The following FAM184B variants were observed in gnomAD, a reference collection of about 807,000 sequenced individuals.
FAM184B encodes family with sequence similarity 184 member B.
FAM184B carries 111 observed loss-of-function variants against 135.9 expected under a neutral mutation model. The observed-to-expected ratio is 0.82, with a 90% CI of 0.70 to 0.96. The LOEUF (loss-of-function observed/expected upper bound fraction) is 0.96, where lower values mean the gene tolerates loss of function less well. Ranked by LOEUF, FAM184B falls within the 40% of genes least tolerant of loss-of-function variation. The probability of loss-of-function intolerance (pLI) is 0.00; values close to 1 mark genes in which losing one functional copy is unlikely to be tolerated. For missense variants in FAM184B, 1,375 were observed against 1,323.9 expected, an observed-to-expected ratio of 1.04 and a Z score of -0.60; for synonymous variants, 552 against 524.8, an observed-to-expected ratio of 1.05 and a Z score of -0.71.
At chr4:17,638,418 C>A (rs1342992729) in intron 14 of FAM184B, among the ~76,000 whole-genome samples, 2 of 151,588 alleles carry the variant, frequency 1.3e-5, no homozygotes, top group Non-Finnish European at 2.9e-5. Flanking sequence ...GTCTCGAACT[C>A]CTGGGCTCAA....
chr4:17,709,646 T>C lies in FAM184B; in HGVS notation c.142-2A>G, dbSNP rs750506030. 2.4e-5 allele frequency: 36 copies of C among 1,486,698 alleles called. No individual in the cohort carries two copies. Among genetic ancestry groups the C allele is most frequent in the Non-Finnish European group, 2.9e-5 (33 of 1,118,994 alleles). The allele number at this position is 1,486,698 out of a possible 1,614,324, so 92.1% of individuals were successfully genotyped here. On this transcript the variant is annotated splice_acceptor_variant, in intron 1 of 17. Transcript: ENST00000265018. LOFTEE classifies it high-confidence loss of function. ...GCGGGTGTTCAGGGCATAAATCACCTGCAGGAAAATCAACAGAGCCCAGTT... is the reference window on the plus strand; with the variant it reads ...GCGGGTGTTCAGGGCATAAATCACCCGCAGGAAAATCAACAGAGCCCAGTT...
intron 1 of FAM184B, among the ~76,000 whole-genome samples, chr4:17,740,821 G>A (rs1024141704): frequency 2.0e-5 from 3 of 152,190 alleles, no homozygotes; most frequent in African/African-American, 7.2e-5. Context: ...TTTATGTGGT[G>A]TCTTTCTTTT....
intron 6 of FAM184B, among the ~76,000 whole-genome samples, chr4:17,692,588 A>G (rs1716762571): frequency 6.6e-6 from 1 of 152,128 alleles, no homozygotes; most frequent in Admixed American, 6.5e-5. Context: ...AACAATCGAT[A>G]CTGTTTTGCG....
At chr4:17,706,346 C>A (rs1013350720) in intron 3 of FAM184B, among the ~76,000 whole-genome samples, 1 of 152,164 alleles carries the variant, frequency 6.6e-6, no homozygotes, top group South Asian at 2.1e-4. Flanking sequence ...GAACCAGTAC[C>A]TCCCCTTCTC....
At chr4:17,764,466 G>A (rs1004839883) in intron 1 of FAM184B, among the ~76,000 whole-genome samples, 1 of 152,194 alleles carries the variant, frequency 6.6e-6, no homozygotes, top group African/African-American at 2.4e-5. Context: ...CACCCAGAGA[G>A]GCCTCAGTAT....
intron 1 of FAM184B, among the ~76,000 whole-genome samples, chr4:17,765,353 G>A (rs1180280940): frequency 6.6e-6 from 1 of 151,942 alleles, no homozygotes; most frequent in Non-Finnish European, 1.5e-5. Context: ...CTACCTCAAG[G>A]AAACGTCTAG....
intron 1 of FAM184B, among the ~76,000 whole-genome samples, chr4:17,744,878 G>T (rs1237804469): frequency 1.3e-5 from 2 of 152,248 alleles, no homozygotes; most frequent in Non-Finnish European, 2.9e-5. Flanking sequence ...GGGATGGGAA[G>T]TAGAGTGCTG....
intron 1 of FAM184B, among the ~76,000 whole-genome samples, chr4:17,724,300 TG>T (rs1165842489): frequency 2.2e-4 from 34 of 152,318 alleles, no homozygotes; most frequent in African/African-American, 7.9e-4. Context: ...ATGATGCACA[TG>T]GCACTTCATT....
At chr4:17,641,434 T>G (rs1715307122) in intron 13 of FAM184B, among the ~76,000 whole-genome samples, 1 of 147,536 alleles carries the variant, frequency 6.8e-6, no homozygotes, top group Non-Finnish European at 1.5e-5. Context: ...AATGCCCTGA[T>G]TTGCAGGGAA....
At chr4:17,643,030 CTG>C (rs1715368512) in intron 12 of FAM184B, among the ~76,000 whole-genome samples, 1 of 152,228 alleles carries the variant, frequency 6.6e-6, no homozygotes. Context: ...CCTTCCTGCT[CTG>C]GGGTTGGCAT....
At chr4:17,719,563 C>G (rs1039141725) in intron 1 of FAM184B, among the ~76,000 whole-genome samples, 3 of 152,180 alleles carry the variant, frequency 2.0e-5, no homozygotes, top group African/African-American at 7.2e-5. Context: ...GAGAAAGGCA[C>G]AGGGGAGGAA....
At chr4:17,668,342 A>G (rs1179535556) in intron 7 of FAM184B, among the ~76,000 whole-genome samples, 1 of 152,150 alleles carries the variant, frequency 6.6e-6, no homozygotes, top group Non-Finnish European at 1.5e-5. Context: ...CATTCTTAGT[A>G]GCTTGTTTCT....
intron 12 of FAM184B, among the ~76,000 whole-genome samples, chr4:17,644,401 T>C (rs1715407571): frequency 6.6e-6 from 1 of 152,226 alleles, no homozygotes; most frequent in Non-Finnish European, 1.5e-5. Flanking sequence ...TCAAGTGGGC[T>C]TCATCCCTGG....
chr4:17,768,119 G>T (rs959593984), intron 1 of FAM184B, among the ~76,000 whole-genome samples: 2 of 152,136 alleles, frequency 1.3e-5, no homozygotes, highest in Admixed American at 1.3e-4. Context: ...TTTTGATTTT[G>T]TTCAAGTATT....
chr4:17,736,830 T>C (rs777878844), intron 1 of FAM184B, among the ~76,000 whole-genome samples: 19 of 152,244 alleles, frequency 1.2e-4, no homozygotes, highest in Non-Finnish European at 2.5e-4. Flanking sequence ...AGAAAACTCA[T>C]GGATGGTTCA....
rs979412463 is a variant in FAM184B at position 17,630,089 on chromosome 4, C to G, written c.*2443G>C. 3.3e-5 allele frequency: 5 copies of G among 152,154 alleles called. No homozygotes were observed. The highest frequency in any genetic ancestry group is 1.2e-4 in the African/African-American group (5 of 41,436). 9.4% of individuals were successfully genotyped at this position (152,154 alleles called of 1,614,324 possible). A position where few individuals can be genotyped will look rare whatever the true frequency, so the allele number is the denominator to read the frequency against. ...CAAGAAAGGAGTCAAAACCTATGTA[C>G]GATCTCAACTAGTAAAATTTTCTCC... On this transcript the variant is annotated 3_prime_UTR_variant, in exon 18 of 18. Coordinates refer to ENST00000265018, the MANE Select transcript of FAM184B (RefSeq NM_015688.2).
chr4:17,657,978 T>C (rs903564339), intron 10 of FAM184B, among the ~76,000 whole-genome samples: 2 of 152,150 alleles, frequency 1.3e-5, no homozygotes, highest in South Asian at 2.1e-4. Flanking sequence ...TTCTCAATTC[T>C]GTGCTGCTCT....
intron 10 of FAM184B, among the ~76,000 whole-genome samples, chr4:17,657,853 C>T (rs1028454174): frequency 6.6e-6 from 1 of 152,040 alleles, no homozygotes; most frequent in African/African-American, 2.4e-5. Context: ...GACAGGGTTT[C>T]ACCATGTTGG....
intron 1 of FAM184B, among the ~76,000 whole-genome samples, chr4:17,771,430 G>A (rs767396003): frequency 1.5e-4 from 23 of 152,182 alleles, no homozygotes; most frequent in Admixed American, 2.6e-4. Flanking sequence ...GCAAAGATTC[G>A]TGAGCTCCTT....
Sources: allele counts gnomAD v4.1 joint callset (sites outside exome capture counted in the v4.1 genomes callset), GRCh38; gene constraint gnomAD v4.1.1; transcripts MANE v1.5; gene names NCBI Gene and HGNC (gene_info 2026-07-23, HGNC 2026-07-21).